PIGX: variants seen among roughly 807,000 people sequenced by gnomAD.
PIGX encodes GPI alpha-1,4-mannosyltransferase I, stabilizing subunit.
In PIGX, 24 loss-of-function variants were observed where a neutral mutation model predicts 28.7. The observed-to-expected ratio is 0.84, with a 90% CI of 0.60 to 1.17. The LOEUF is 1.17. Ranked by LOEUF, PIGX falls within the 50% of genes most tolerant of loss-of-function variation. PIGX has a pLI of 0.00. For missense variants in PIGX, 305 were observed against 317.8 expected, an observed-to-expected ratio of 0.96 and a Z score of 0.31; for synonymous variants, 127 against 121.0, an observed-to-expected ratio of 1.05 and a Z score of -0.33.
intron 3 of PIGX, 97 bp downstream of exon 3, chr3:196,722,653 A>T: frequency 1.9e-6 from 2 of 1,030,986 alleles, no homozygotes; most frequent in Non-Finnish European, 3.0e-6. Context: ...CATTTTGTTA[A>T]AGTGTATAAA....
intron 1 of PIGX, among the ~76,000 whole-genome samples, chr3:196,714,323 G>A (rs933993978): frequency 6.6e-6 from 1 of 152,198 alleles, no homozygotes; most frequent in Admixed American, 6.5e-5. Context: ...AAGTAGCCAG[G>A]TGTGGTGGCG....
chr3:196,728,056 G>T lies in PIGX; in HGVS notation c.452G>T (p.Arg151Leu). 1 of 1,614,066 alleles carries T rather than the reference G, an allele frequency of 6.2e-7. No individual in the cohort carries two copies. The highest frequency in any genetic ancestry group is 1.1e-5 in the South Asian group (1 of 91,084). ...CAAGCCTTTTTGCCTGTGCACTGCC[G>T]CTATCATCGGCCGCACAGTGAAGAT... The change falls in exon 4 of 6, where the codon CGC becomes CTC. Residue 151 changes from arginine (R) to leucine (L), a missense_variant. Physicochemically the swap from Arg to Leu is moderately radical, Grantham distance 102. Coordinates refer to ENST00000392391, the MANE Select transcript of PIGX (RefSeq NM_017861.4).
chr3:196,734,978 G>A lies in PIGX; in HGVS notation c.*1076G>A, dbSNP rs1334917053. ...GATTGGAAAAAAATTAGAAAATAAA[G>A]TAAGTGCCATAGGCTAATTAAAAAA... On this transcript the variant is annotated 3_prime_UTR_variant, in exon 6 of 6. Transcript: ENST00000392391. 2 of 152,024 alleles carry A rather than the reference G, an allele frequency of 1.3e-5. No homozygotes were observed. The highest frequency in any genetic ancestry group is 2.4e-5 in the African/African-American group (1 of 41,398). The allele number at this position is 152,024 out of a possible 1,614,324, so 9.4% of individuals were successfully genotyped here.
At chr3:196,726,696 T>C (rs1026382164) in intron 3 of PIGX, 2 of 456,404 alleles carry the variant, frequency 4.4e-6, no homozygotes, top group African/African-American at 4.0e-5. Flanking sequence ...CTTCTGATAA[T>C]TGAAGGATCC....
rs928868912 is a variant in PIGX at position 196,712,654 on chromosome 3, G to A, written c.112+10G>A. On this transcript the variant is annotated intron_variant, in intron 1 of 5. Coordinates refer to ENST00000392391, the MANE Select transcript of PIGX (RefSeq NM_017861.4). ...GCGCGCTCTGACGCCGGTAAGGGGG[G>A]CGGGGCTTGGGGGGCCAGAGCGTGG... The A allele has an allele frequency of 8.4e-7, 1 of 1,186,830 alleles. No individual in the cohort carries two copies. Among genetic ancestry groups the A allele is most frequent in the Non-Finnish European group, 1.0e-6 (1 of 958,812 alleles). The allele number at this position is 1,186,830 out of a possible 1,614,324, so 73.5% of individuals were successfully genotyped here.
chr3:196,721,628 G>T (rs377471216), intron 2 of PIGX, among the ~76,000 whole-genome samples: 1 of 151,786 alleles, frequency 6.6e-6, no homozygotes, highest in South Asian at 2.1e-4. Context: ...AGAGACAGGG[G>T]TCTCTCCATA....
chr3:196,722,046 C>T (rs1276930736), intron 2 of PIGX, among the ~76,000 whole-genome samples: 1 of 152,248 alleles, frequency 6.6e-6, no homozygotes, highest in Admixed American at 6.5e-5. Flanking sequence ...GGCACCATGC[C>T]TGCCCTCTGG....
chr3:196,722,888 C>G (rs1008589856), intron 3 of PIGX, among the ~76,000 whole-genome samples: 6 of 152,178 alleles, frequency 3.9e-5, no homozygotes, highest in African/African-American at 1.4e-4. Context: ...ACCCCAACAT[C>G]TGGGTAAGTT....
intron 5 of PIGX, among the ~76,000 whole-genome samples, chr3:196,732,631 A>G (rs1712859601): frequency 6.6e-6 from 1 of 151,994 alleles, no homozygotes. Flanking sequence ...GGTGGCCATT[A>G]CTAAGGTGGT....
chr3:196,728,845 C>A, intron 4 of PIGX: 4 of 733,454 alleles, frequency 5.5e-6, no homozygotes, highest in Non-Finnish European at 1.0e-5. Flanking sequence ...CCACATTACC[C>A]CTCTGTTGCT....
chr3:196,728,255 A>G (rs918452523), intron 4 of PIGX, 119 bp downstream of exon 4: 2 of 694,092 alleles, frequency 2.9e-6, no homozygotes, highest in Non-Finnish European at 5.0e-6. Context: ...GGTAGTTACA[A>G]GGGTATTTAT....
intron 2 of PIGX, chr3:196,717,889 A>C (rs1173679142): frequency 6.6e-6 from 1 of 152,224 alleles, no homozygotes; most frequent in Non-Finnish European, 1.5e-5. Flanking sequence ...AAGATCTTTA[A>C]AAGTCTGGTA....
intron 3 of PIGX, among the ~76,000 whole-genome samples, chr3:196,724,044 CAG>C (rs928594322): frequency 1.3e-4 from 18 of 139,694 alleles, no homozygotes; most frequent in African/African-American, 4.8e-4. Flanking sequence ...TTTTTTGAGA[CAG>C]AGTCTCTGTT....
chr3:196,725,974 C>T (rs538102383), intron 3 of PIGX, among the ~76,000 whole-genome samples: 1 of 152,202 alleles, frequency 6.6e-6, no homozygotes, highest in African/African-American at 2.4e-5. Context: ...ATAGACATAT[C>T]CAGCAAGATC....
Position 196,734,908 on chromosome 3 carries a change from T to A in PIGX, c.*1006T>A, listed in dbSNP as rs1460334895. 1 of 152,168 alleles carries A rather than the reference T, an allele frequency of 6.6e-6. No homozygotes were observed. Among genetic ancestry groups the A allele is most frequent in the Non-Finnish European group, 1.5e-5 (1 of 68,032 alleles). 9.4% of individuals were successfully genotyped at this position (152,168 alleles called of 1,614,324 possible). A position where few individuals can be genotyped will look rare whatever the true frequency, so the allele number is the denominator to read the frequency against. ...AGTTGTACATGAACAATAATTGGAA[T>A]CATCAGGTAATTTTTTTAAACAAAG... is the stretch of plus-strand genomic sequence containing the variant. On this transcript the variant is annotated 3_prime_UTR_variant, in exon 6 of 6. Transcript: ENST00000392391.
intron 3 of PIGX, among the ~76,000 whole-genome samples, chr3:196,725,798 A>G (rs1220934021): frequency 6.6e-6 from 1 of 152,206 alleles, no homozygotes; most frequent in African/African-American, 2.4e-5. Flanking sequence ...TGAACAATGG[A>G]AAAACAGAGA....
At chr3:196,729,986 C>T (rs1159686523) in intron 4 of PIGX, among the ~76,000 whole-genome samples, 1 of 151,162 alleles carries the variant, frequency 6.6e-6, no homozygotes, top group Non-Finnish European at 1.5e-5. Flanking sequence ...ACGGGAATCA[C>T]TTGAACCTGG....
chr3:196,722,641 T>C (rs1288433685), intron 3 of PIGX, 85 bp downstream of exon 3: 4 of 1,184,968 alleles, frequency 3.4e-6, no homozygotes, highest in Non-Finnish European at 4.9e-6. Flanking sequence ...AGGTTTTCTT[T>C]TCATTTTGTT....
chr3:196,717,300 C>CAAAAAAAAAAAAAAAGAA (rs55850813), intron 2 of PIGX, among the ~76,000 whole-genome samples: 5 of 120,906 alleles, frequency 4.1e-5, no homozygotes, highest in Non-Finnish European at 8.4e-5. Context: ...GACTCTGTCT[C>CAAAAAAAAAAAAAAAGAA]AAAAAAAGAA....
Sources: allele counts gnomAD v4.1 joint callset (sites outside exome capture counted in the v4.1 genomes callset), GRCh38; gene constraint gnomAD v4.1.1; transcripts MANE v1.5; gene names NCBI Gene and HGNC (gene_info 2026-07-23, HGNC 2026-07-21).